GALNT3: variants seen among roughly 807,000 people sequenced by gnomAD.
GALNT3 encodes the protein polypeptide N-acetylgalactosaminyltransferase 3, also known as GalNAc transferase 3.
GALNT3 carries 51 observed loss-of-function variants against 69.8 expected under a neutral mutation model. The observed-to-expected ratio is 0.73, with a 90% CI of 0.58 to 0.92. The LOEUF (loss-of-function observed/expected upper bound fraction) is 0.92. GALNT3 is among the 40% of genes least tolerant of loss of function. The pLI is 0.00. For synonymous variants in GALNT3, 265 were observed against 248.5 expected, an observed-to-expected ratio of 1.07 and a Z score of -0.63; for missense variants, 711 against 760.0, an observed-to-expected ratio of 0.94 and a Z score of 0.76.
chr2:165,765,650 G>A (rs188308599), intron 2 of GALNT3, among the ~76,000 whole-genome samples: 5 of 151,706 alleles, frequency 3.3e-5, no homozygotes, highest in African/African-American at 9.7e-5. Flanking sequence ...CACCACACCC[G>A]GCTAATTTTT....
At chr2:165,755,354 G>A (rs900765529) in intron 7 of GALNT3, among the ~76,000 whole-genome samples, 1 of 152,146 alleles carries the variant, frequency 6.6e-6, no homozygotes, top group Non-Finnish European at 1.5e-5. Flanking sequence ...AAGATTTCTA[G>A]TAAAATGCTG....
intron 1 of GALNT3, chr2:165,793,792 G>A (rs1162049400): frequency 3.3e-5 from 5 of 152,700 alleles, no homozygotes; most frequent in Non-Finnish European, 7.3e-5. Context: ...TGGGCGAGAG[G>A]GTGTGACCGG....
chr2:165,793,066 T>G (rs1683385897), intron 1 of GALNT3, among the ~76,000 whole-genome samples: 1 of 152,136 alleles, frequency 6.6e-6, no homozygotes, highest in Admixed American at 6.6e-5. Flanking sequence ...GTTTCTTTGA[T>G]GAGTTGGAAA....
chr2:165,763,559 C>T (rs1478116633), intron 3 of GALNT3, among the ~76,000 whole-genome samples: 2 of 152,136 alleles, frequency 1.3e-5, no homozygotes, highest in African/African-American at 4.8e-5. Context: ...CTCAGAAAGA[C>T]AAGCAGAATT....
Position 165,748,390 on chromosome 2 carries a change from T to C in GALNT3, c.*391A>G, listed in dbSNP as rs1688297370. The C allele has an allele frequency of 3.7e-6, 1 of 270,460 alleles. No homozygotes were observed. Among genetic ancestry groups the C allele is most frequent in the Admixed American group, 4.9e-5 (1 of 20,232 alleles). The allele number at this position is 270,460 out of a possible 1,614,324, so 16.8% of individuals were successfully genotyped here. On this transcript the variant is annotated 3_prime_UTR_variant, in exon 11 of 11. Transcript: ENST00000392701. ...TTTTTATGTAGTTAAAAAAATACAGTAACAAATCTTTCTTCCTATCCCCCC... is the reference window on the plus strand; with the variant it reads ...TTTTTATGTAGTTAAAAAAATACAGCAACAAATCTTTCTTCCTATCCCCCC...
chr2:165,758,988 T>C, intron 5 of GALNT3, 124 bp from the exon 6 acceptor site: 1 of 747,286 alleles, frequency 1.3e-6, no homozygotes, highest in South Asian at 1.6e-5. Context: ...TTCAGATTAA[T>C]AAAAACTAGA....
intron 6 of GALNT3, among the ~76,000 whole-genome samples, chr2:165,757,638 T>G (rs1209220260): frequency 6.6e-6 from 1 of 152,218 alleles, no homozygotes; most frequent in Non-Finnish European, 1.5e-5. Context: ...CTAGAGTTTC[T>G]CTTCAAAGTT....
intron 4 of GALNT3, among the ~76,000 whole-genome samples, chr2:165,760,489 G>T (rs923900792): frequency 6.6e-6 from 1 of 152,208 alleles, no homozygotes; most frequent in Non-Finnish European, 1.5e-5. Flanking sequence ...GGTCCGGGAG[G>T]ACCGTCAGAC....
intron 1 of GALNT3, among the ~76,000 whole-genome samples, chr2:165,781,401 C>A (rs1430736262): frequency 6.6e-6 from 1 of 151,798 alleles, no homozygotes; most frequent in Non-Finnish European, 1.5e-5. Flanking sequence ...GCAAGACCAG[C>A]CTGGGTAATA....
At chr2:165,769,693 C>T (rs544425106) in intron 2 of GALNT3, among the ~76,000 whole-genome samples, 7 of 152,132 alleles carry the variant, frequency 4.6e-5, no homozygotes, top group African/African-American at 1.7e-4. Flanking sequence ...TAATTAGGTA[C>T]TCAAAAACTT....
chr2:165,785,298 C>G (rs909911567), intron 1 of GALNT3, among the ~76,000 whole-genome samples: 2 of 151,852 alleles, frequency 1.3e-5, no homozygotes, highest in African/African-American at 4.8e-5. Context: ...ATGAAATGAT[C>G]CCAATATAGT....
chr2:165,780,178 C>T (rs1050973281), intron 1 of GALNT3, among the ~76,000 whole-genome samples: 8 of 152,088 alleles, frequency 5.3e-5, no homozygotes, highest in African/African-American at 1.7e-4. Context: ...TTTATGGGCC[C>T]ACTGAGACAG....
intron 1 of GALNT3, among the ~76,000 whole-genome samples, chr2:165,773,593 T>G (rs1210059976): frequency 2.6e-5 from 4 of 152,322 alleles, no homozygotes; most frequent in Admixed American, 1.3e-4. Flanking sequence ...AATATGCTAA[T>G]GGAACTTCCA....
At chr2:165,789,134 T>C (rs1574020545) in intron 1 of GALNT3, among the ~76,000 whole-genome samples, 1 of 152,204 alleles carries the variant, frequency 6.6e-6, no homozygotes. Flanking sequence ...GTTCATGCTA[T>C]AACAAAATAC....
Position 165,767,867 on chromosome 2 carries a change from ATC to A in GALNT3, c.515+2317_515+2318del, listed in dbSNP as rs377196491. ...TGGTTACATTCAAAGTAAAAAACAA[ATC>A]TTTTTTTTTTTTTTTTTTTTTTTGA... On this transcript the variant is annotated intron_variant, in intron 2 of 10. Coordinates refer to ENST00000392701, the MANE Select transcript of GALNT3 (RefSeq NM_004482.4). Among the ~76,000 whole-genome samples, 21 of 136,312 alleles carry A rather than the reference ATC, an allele frequency of 1.5e-4. 1 individual carries two copies. Among genetic ancestry groups the A allele is most frequent in the Middle Eastern group, 7.3e-3 (2 of 274 alleles). 89.4% of individuals were successfully genotyped at this position (136,312 alleles called of 152,430 possible).
intron 1 of GALNT3, among the ~76,000 whole-genome samples, chr2:165,776,961 T>C (rs1184063185): frequency 2.6e-5 from 4 of 152,192 alleles, no homozygotes; most frequent in African/African-American, 4.8e-5. Flanking sequence ...TCCATCATGA[T>C]TGTCCCTCTA....
chr2:165,764,052 G>C (rs1688596693), intron 3 of GALNT3, among the ~76,000 whole-genome samples: 1 of 152,094 alleles, frequency 6.6e-6, no homozygotes, highest in South Asian at 2.1e-4. Flanking sequence ...GAAATAATAT[G>C]TATCTGTTTG....
intron 1 of GALNT3, among the ~76,000 whole-genome samples, chr2:165,791,770 C>A (rs909688887): frequency 1.3e-5 from 2 of 151,952 alleles, no homozygotes; most frequent in African/African-American, 4.8e-5. Flanking sequence ...TTGGAAATAC[C>A]AAGAAGGAAC....
chr2:165,767,966 C>T (rs577485909), intron 2 of GALNT3, among the ~76,000 whole-genome samples: 5 of 148,832 alleles, frequency 3.4e-5, no homozygotes, highest in East Asian at 2.0e-4. Context: ...CTCCGCTTCC[C>T]GGGTTCAAGT....
Sources: allele counts gnomAD v4.1 joint callset (sites outside exome capture counted in the v4.1 genomes callset), GRCh38; gene constraint gnomAD v4.1.1; transcripts MANE v1.5; gene names NCBI Gene and HGNC (gene_info 2026-07-23, HGNC 2026-07-21).